RASA2: variants seen among roughly 807,000 people sequenced by gnomAD.
The protein encoded by RASA2 is RAS p21 protein activator 2.
Under a neutral mutation model 118.2 loss-of-function variants are expected in RASA2, and 155 were observed. The observed-to-expected ratio is 1.31, with a 90% CI of 1.15 to 1.50. RASA2 has a LOEUF of 1.50. Ranked by LOEUF, RASA2 falls within the 40% of genes most tolerant of loss-of-function variation. The pLI, the probability that RASA2 is intolerant of heterozygous loss-of-function variation, is 0.00. For missense variants in RASA2, 1,016 were observed against 1,009.6 expected (o/e 1.01, Z -0.09); for synonymous variants, 353 against 349.1 (o/e 1.01, Z -0.12).
At chr3:141,594,553 CAG>C (rs2083337905) in intron 19 of RASA2, among the ~76,000 whole-genome samples, 1 of 151,964 alleles carries the variant, frequency 6.6e-6, no homozygotes, top group Non-Finnish European at 1.5e-5. Flanking sequence ...GATACATACA[CAG>C]GGGAACAACA....
intron 5 of RASA2, among the ~76,000 whole-genome samples, chr3:141,552,669 C>T (rs2082591738): frequency 6.6e-6 from 1 of 152,122 alleles, no homozygotes; most frequent in Non-Finnish European, 1.5e-5. Flanking sequence ...ATTATCTTGG[C>T]TTGTGTTTTC....
At chr3:141,489,633 T>C (rs934056445) in intron 1 of RASA2, among the ~76,000 whole-genome samples, 4 of 152,180 alleles carry the variant, frequency 2.6e-5, no homozygotes, top group Admixed American at 1.3e-4. Flanking sequence ...GGCTGAAAAT[T>C]AGCCTGAAGA....
intron 9 of RASA2, among the ~76,000 whole-genome samples, chr3:141,567,621 C>T (rs766042027): frequency 1.1e-4 from 17 of 152,014 alleles, no homozygotes; most frequent in South Asian, 2.1e-4. Context: ...AAATGCAATT[C>T]GTGTCATAAT....
In RASA2 at chr3:141,487,095, G is replaced by GGC; in HGVS notation, c.15_16dup (p.Pro6ArgfsTer55). 1 of 1,378,778 alleles carries GGC rather than the reference G, an allele frequency of 7.3e-7. No individual in the cohort carries two copies. The highest frequency in any genetic ancestry group is 9.5e-7 in the Non-Finnish European group (1 of 1,053,186). The allele number at this position is 1,378,778 out of a possible 1,614,324, so 85.4% of individuals were successfully genotyped here. On this transcript the variant is annotated frameshift_variant, in exon 1 of 24. Transcript: ENST00000286364. LOFTEE classifies it high-confidence loss of function. The stretch of plus-strand genomic sequence containing the variant: ...GGCCGGGCGGCACCATGGCGGCGGC[G>GGC]GCGCCTGCTGCTGCGGCGGCTTCTT...
At chr3:141,609,379 A>G in intron 21 of RASA2, 41 bp from the exon 22 acceptor site, 1 of 1,268,438 alleles carries the variant, frequency 7.9e-7, no homozygotes, top group Non-Finnish European at 1.1e-6. Context: ...TTAACAAAAT[A>G]AAATTTGTAT....
chr3:141,553,476 C>T (rs1001155836), intron 5 of RASA2, among the ~76,000 whole-genome samples: 1 of 151,870 alleles, frequency 6.6e-6, no homozygotes, highest in Non-Finnish European at 1.5e-5. Flanking sequence ...TTAAGCATCC[C>T]AAATCCAAAA....
rs892880004 is a variant in RASA2, at chr3:141,487,055, C to T, written c.-29C>T. 8 of 1,222,884 alleles carry T rather than the reference C, an allele frequency of 6.5e-6. No homozygotes were observed. The African/African-American group carries it at 1.3e-4, about 20-fold the overall frequency. The allele number at this position is 1,222,884 out of a possible 1,614,324, so 75.8% of individuals were successfully genotyped here. On this transcript the variant is annotated 5_prime_UTR_variant, in exon 1 of 24. Coordinates refer to ENST00000286364, the MANE Select transcript of RASA2 (RefSeq NM_006506.5). ...CCGCCTCGCCCGGCTACGCAGGCGG[C>T]AGGGCTGCGGCACGGGCCGGGCGGC...
At chr3:141,531,410 GTA>G (rs1328441606) in intron 4 of RASA2, among the ~76,000 whole-genome samples, 1 of 151,190 alleles carries the variant, frequency 6.6e-6, no homozygotes, top group African/African-American at 2.4e-5. Context: ...GTGTGTGTGT[GTA>G]TATATATGTG....
chr3:141,602,622 GTCTC>G (rs1038898608), intron 19 of RASA2, among the ~76,000 whole-genome samples: 16 of 152,280 alleles, frequency 1.1e-4, no homozygotes, highest in African/African-American at 3.4e-4. Context: ...TAAAACTGCA[GTCTC>G]TCTCTCTTAC....
intron 23 of RASA2, among the ~76,000 whole-genome samples, chr3:141,611,545 G>A (rs1397579373): frequency 2.0e-5 from 3 of 152,054 alleles, no homozygotes; most frequent in African/African-American, 7.2e-5. Context: ...AGCCCAACTT[G>A]GTTTTATCCT....
At chr3:141,564,144 ACTAC>A (rs1279599012) in intron 9 of RASA2, among the ~76,000 whole-genome samples, 1 of 152,150 alleles carries the variant, frequency 6.6e-6, no homozygotes, top group African/African-American at 2.4e-5. Flanking sequence ...TTGGTATAGC[ACTAC>A]CCTAATTCCT....
chr3:141,539,583 A>G (rs2082377109), intron 4 of RASA2, among the ~76,000 whole-genome samples: 1 of 152,186 alleles, frequency 6.6e-6, no homozygotes, highest in South Asian at 2.1e-4. Context: ...CCTCTAATGA[A>G]ATCACTCACG....
At chr3:141,531,331 TATATAGA>T (rs961106018) in intron 4 of RASA2, among the ~76,000 whole-genome samples, 1 of 151,914 alleles carries the variant, frequency 6.6e-6, no homozygotes, top group African/African-American at 2.4e-5. Flanking sequence ...GGTAAAAATC[TATATAGA>T]ATATAGAATT....
In RASA2 at chr3:141,487,156, G is replaced by A. The variant is rs777121153; in HGVS notation, c.73G>A (p.Glu25Lys). ...APAASATAEPEAGDQDSREVR... is the reference protein window; with the variant it reads ...APAASATAEPKAGDQDSREVR... ...AGCGGCGAGTGCGACTGCAGAGCCC[G>A]AGGCCGGGGACCAGGACAGTCGCGA... Residue 25 changes from glutamate (E) to lysine (K), a missense_variant, in exon 1 of 24, where the codon GAG (glutamate) becomes AAG (lysine). By Grantham distance (56) the Glu-to-Lys change is moderately conservative (BLOSUM62 1). Coordinates refer to ENST00000286364, the MANE Select transcript of RASA2 (RefSeq NM_006506.5). 1 of 1,468,448 alleles carries A rather than the reference G, an allele frequency of 6.8e-7. No homozygotes were observed. The highest frequency in any genetic ancestry group is 9.1e-7 in the Non-Finnish European group (1 of 1,102,788). The allele number at this position is 1,468,448 out of a possible 1,614,324, so 91.0% of individuals were successfully genotyped here. A position where few individuals can be genotyped will look rare whatever the true frequency, so the allele number is the denominator to read the frequency against.
At position 141,586,072 on chromosome 3, in the gene RASA2, G is replaced by A. The variant is rs772060646; in HGVS notation, c.1800G>A (p.Thr600=). The A allele has an allele frequency of 1.2e-5, 20 of 1,610,256 alleles. No individual in the cohort carries two copies. The African/African-American group carries it at 1.3e-4, about 11-fold the overall frequency. ...CTGAAACTAAAGAGTCCAGTGGTAC[G>A]AGTGAGCCTGTGCACCTGAAAGAAG... ...SSTETKESSG[T]SEPVHLKEGE... Residue 600 remains threonine (T), a synonymous_variant, in exon 18 of 24, where the codon ACG becomes ACA. Transcript: ENST00000286364.
At chr3:141,492,901 T>A (rs73869641) in intron 1 of RASA2, among the ~76,000 whole-genome samples, 1,728 of 152,324 alleles carry the variant, frequency 0.011, 37 homozygotes, top group African/African-American at 0.039. Flanking sequence ...GGGCCTAAGC[T>A]GTGAATCGGA....
intron 19 of RASA2, among the ~76,000 whole-genome samples, chr3:141,601,707 T>G (rs1043683499): frequency 5.3e-5 from 8 of 152,198 alleles, no homozygotes; most frequent in African/African-American, 1.4e-4. Context: ...TGGGGTTTGT[T>G]GAATTTTTTG....
intron 1 of RASA2, among the ~76,000 whole-genome samples, chr3:141,490,190 T>G (rs1207025701): frequency 6.6e-6 from 1 of 151,974 alleles, no homozygotes; most frequent in Non-Finnish European, 1.5e-5. Context: ...AGTTTGGTTG[T>G]TTGATATCCT....
At chr3:141,499,642 C>T (rs757786804) in intron 1 of RASA2, among the ~76,000 whole-genome samples, 8 of 152,108 alleles carry the variant, frequency 5.3e-5, no homozygotes, top group Admixed American at 5.2e-4. Flanking sequence ...CCTCTGTCAC[C>T]AGGCTGGAGT....
Sources: gnomAD v4.1 joint callset for allele counts (sites outside exome capture counted in the v4.1 genomes callset) on GRCh38, gnomAD v4.1.1 for gene constraint, MANE v1.5 for transcripts, NCBI Gene and HGNC (gene_info 2026-07-23, HGNC 2026-07-21) for gene names.